The following CFAP47 variants were observed in gnomAD, a reference collection of about 807,000 sequenced individuals.
The protein encoded by CFAP47 is cilia- and flagella-associated protein 47.
Under a neutral mutation model 148.1 loss-of-function variants are expected in CFAP47, and 29 were observed. The observed-to-expected ratio is 0.20, with a 90% CI of 0.15 to 0.27. The LOEUF is 0.27. Among genes scored for constraint, CFAP47 ranks in the 10% least tolerant of loss-of-function variants. The pLI is 1.00. For synonymous variants in CFAP47, 664 were observed against 577.3 expected (o/e 1.15, Z -2.15); for missense variants, 1,872 against 1,697.5 (o/e 1.10, Z -1.81).
chrX:36,208,981 C>G (rs1482068800), intron 45 of CFAP47, among the ~76,000 whole-genome samples: 2 of 111,399 alleles, frequency 1.8e-5, no homozygotes, highest in East Asian at 5.6e-4. Context: ...AAAATAAAAA[C>G]AAACAAACAA....
At chrX:36,053,024 C>T (rs949557881) in intron 26 of CFAP47, among the ~76,000 whole-genome samples, 1 of 112,082 alleles carries the variant, frequency 8.9e-6, no homozygotes, top group African/African-American at 3.2e-5. Flanking sequence ...CACTTATTCA[C>T]TCAAGTTGGC....
At chrX:36,018,823 G>A (rs1404153253) in intron 22 of CFAP47, among the ~76,000 whole-genome samples, 2 of 105,781 alleles carry the variant, frequency 1.9e-5, no homozygotes, top group South Asian at 4.1e-4. Flanking sequence ...TTTTAAATGC[G>A]TCATTGTCTG....
In CFAP47 at chrX:35,925,532, G is replaced by A. The variant is rs188325213; in HGVS notation, c.250-485G>A. On this transcript the variant is annotated intron_variant, in intron 1 of 63. Coordinates refer to ENST00000378653, the MANE Select transcript of CFAP47 (RefSeq NM_001304548.2). The stretch of plus-strand genomic sequence containing the variant: ...ATTAGTACATCATATTGTAGTCAAC[G>A]AATATATACAATTATTTGTCAATTA... Among the ~76,000 whole-genome samples the A allele has an allele frequency of 5.7e-3, 636 of 111,860 alleles. 9 individuals are homozygous for A. Among genetic ancestry groups the A allele is most frequent in the African/African-American group, 0.02 (603 of 30,824 alleles).
rs1380976216 is a variant in CFAP47 at position 36,105,424 on chromosome X, A to G, written c.5320+733A>G. 3.4e-4 allele frequency among the ~76,000 whole-genome samples: 38 copies of G among 111,969 alleles called. No homozygotes were observed. The Admixed American group carries it at 3.6e-3, about 11-fold the overall frequency. On this transcript the variant is annotated intron_variant, in intron 33 of 63. Transcript: ENST00000378653. ...GTAGACTGTTTTTTAACATGAAATA[A>G]CTTTTTAATATCCAATATGCAGAAT... is the stretch of plus-strand genomic sequence containing the variant.
At chrX:36,354,899 A>G (rs1941773512) in intron 60 of CFAP47, among the ~76,000 whole-genome samples, 1 of 111,274 alleles carries the variant, frequency 9.0e-6, no homozygotes, top group African/African-American at 3.3e-5. Context: ...CATTAAACTG[A>G]AAAGCTTCCT....
At chrX:36,034,655 A>T (rs1937318292) in intron 23 of CFAP47, among the ~76,000 whole-genome samples, 1 of 110,884 alleles carries the variant, frequency 9.0e-6, no homozygotes, top group African/African-American at 3.3e-5. Flanking sequence ...TTTGGCCATT[A>T]TAAGCTCTTC....
At chrX:36,082,289 C>CT (rs1426752281) in intron 29 of CFAP47, among the ~76,000 whole-genome samples, 1 of 110,775 alleles carries the variant, frequency 9.0e-6, no homozygotes, top group Non-Finnish European at 1.9e-5. Context: ...TAATTAATGA[C>CT]TTTGGGCATC....
At chrX:36,259,185 T>C (rs782564903) in intron 49 of CFAP47, among the ~76,000 whole-genome samples, 3 of 111,522 alleles carry the variant, frequency 2.7e-5, no homozygotes, top group African/African-American at 9.8e-5. Context: ...ATTTCCAACA[T>C]TGAAAACGAT....
At chrX:36,081,206 T>C (rs960947463) in intron 29 of CFAP47, among the ~76,000 whole-genome samples, 2 of 111,695 alleles carry the variant, frequency 1.8e-5, no homozygotes, top group African/African-American at 6.5e-5. Context: ...TCCTAAGAGA[T>C]GTTTATGAAC....
At chrX:36,267,949 A>G (rs1007734421) in intron 49 of CFAP47, among the ~76,000 whole-genome samples, 3 of 112,723 alleles carry the variant, frequency 2.7e-5, no homozygotes, top group Non-Finnish European at 5.6e-5. Flanking sequence ...ATGTTTCATG[A>G]TGCTATTACC....
At position 36,093,340 on chromosome X, in the gene CFAP47, C is replaced by A. The variant is rs550561304; in HGVS notation, c.4917-5453C>A. Among the ~76,000 whole-genome samples, 24 of 111,448 alleles carry A rather than the reference C, an allele frequency of 2.2e-4. No homozygotes were observed. In the South Asian group the frequency reaches 8.8e-3, roughly 41 times the overall value. ...TTTTCTGAAGAAACTCCAAACTTTT[C>A]TCTGGAATGGTTGTACTAATTTACA... is the stretch of plus-strand genomic sequence containing the variant. On this transcript the variant is annotated intron_variant, in intron 30 of 63. Transcript: ENST00000378653.
chrX:36,312,893 T>C, intron 56 of CFAP47, among the ~76,000 whole-genome samples: 1 of 111,266 alleles, frequency 9.0e-6, no homozygotes, highest in Non-Finnish European at 1.9e-5. Context: ...ACCTTTAATA[T>C]CTTGTTTCTC....
rs199844034 is a variant in CFAP47 at position 35,967,724 on chromosome X, G to T, written c.1706G>T (p.Arg569Leu). The change falls in exon 10 of 64, where the codon CGC (arginine) becomes CTC (leucine). Residue 569 changes from arginine (R) to leucine (L), a missense_variant. Physicochemically the swap from Arg to Leu is moderately radical, Grantham distance 102 (BLOSUM62 -2). Transcript: ENST00000378653. ...PVAMLQSAMT[R>L]THNHRSCEEP... Reference sequence around the variant, plus strand: ...GCAATGCTTCAATCAGCCATGACACGCACTCACAATCATCGCTCATGTGAA... The same window carrying T: ...GCAATGCTTCAATCAGCCATGACACTCACTCACAATCATCGCTCATGTGAA... 1 of 1,208,079 alleles carries T rather than the reference G, an allele frequency of 8.3e-7. No homozygotes were observed. Among genetic ancestry groups the T allele is most frequent in the Non-Finnish European group, 1.1e-6 (1 of 892,842 alleles).
chrX:35,970,863 A>G lies in CFAP47; in HGVS notation c.1910A>G (p.Tyr637Cys). Reference protein sequence around the residue: ...EKQQKKLHENYYAMYLKYLRS... With the variant: ...EKQQKKLHENCYAMYLKYLRS... ...CAGCAAAAGAAATTACATGAAAACT[A>G]TTATGCAATGTATCTTAAATATTTA... The change falls in exon 11 of 64, where the codon TAT becomes TGT. Residue 637 changes from tyrosine to cysteine, a missense_variant. Tyr to Cys is a radical substitution (Grantham distance 194). Coordinates refer to ENST00000378653, the MANE Select transcript of CFAP47 (RefSeq NM_001304548.2). The G allele has an allele frequency of 8.4e-7, 1 of 1,191,142 alleles. No homozygotes were observed. The highest frequency in any genetic ancestry group is 1.1e-6 in the Non-Finnish European group (1 of 881,824).
chrX:36,351,186 A>G (rs1231798114), intron 59 of CFAP47, among the ~76,000 whole-genome samples: 1 of 111,807 alleles, frequency 8.9e-6, no homozygotes, highest in Non-Finnish European at 1.9e-5. Context: ...TTTAATTTGA[A>G]CTGGAGTAAA....
intron 45 of CFAP47, among the ~76,000 whole-genome samples, chrX:36,219,670 A>C (rs1172967913): frequency 9.0e-6 from 1 of 111,655 alleles, no homozygotes; most frequent in Non-Finnish European, 1.9e-5. Context: ...TGCATATCTA[A>C]TTGCCTCCTT....
chrX:36,274,149 G>T (rs192313219), intron 49 of CFAP47, among the ~76,000 whole-genome samples: 1 of 111,717 alleles, frequency 9.0e-6, no homozygotes, highest in Admixed American at 9.5e-5. Flanking sequence ...ACAAATGAAT[G>T]CCCAATTTCT....
In CFAP47 at chrX:35,981,438, CA is replaced by C. The variant is rs776784164; in HGVS notation, c.2713+5526del. Among the ~76,000 whole-genome samples the C allele has an allele frequency of 2.8e-5, 3 of 107,493 alleles. No individual in the cohort carries two copies. The East Asian group carries it at 8.7e-4, about 31-fold the overall frequency. The allele number at this position is 107,493 out of a possible 115,157, so 93.3% of individuals were successfully genotyped here. ...CAAAAGTAGCTTAAATCCAGAGAAACAGGATAAAAGTAAGAGGATAAAAAAC... is the reference window on the plus strand; with the variant it reads ...CAAAAGTAGCTTAAATCCAGAGAAACGGATAAAAGTAAGAGGATAAAAAAC... On this transcript the variant is annotated intron_variant, in intron 15 of 63. Transcript: ENST00000378653.
chrX:36,049,720 G>A (rs1238928350), intron 26 of CFAP47, among the ~76,000 whole-genome samples: 1 of 112,018 alleles, frequency 8.9e-6, no homozygotes, highest in Non-Finnish European at 1.9e-5. Context: ...CGTAGTTGTT[G>A]TGGTTCCAAT....
Sources: gnomAD v4.1 joint callset for allele counts (sites outside exome capture counted in the v4.1 genomes callset) on GRCh38, gnomAD v4.1.1 for gene constraint, MANE v1.5 for transcripts, NCBI Gene and HGNC (gene_info 2026-07-23, HGNC 2026-07-21) for gene names.